The following TNKS variants were observed in gnomAD, a reference collection of about 807,000 sequenced individuals.
TNKS encodes tankyrase, also known as poly [ADP-ribose] polymerase tankyrase-1.
TNKS carries 72 observed loss-of-function variants against 135.8 expected under a neutral mutation model. The observed-to-expected ratio is 0.53, with a 90% CI of 0.44 to 0.64. The LOEUF is 0.64. Among genes scored for constraint, TNKS ranks in the 30% least tolerant of loss-of-function variants. The pLI is 0.00. For synonymous variants in TNKS, 849 were observed against 649.3 expected (o/e 1.31, Z -4.68); for missense variants, 1,769 against 1,674.0 (o/e 1.06, Z -0.99).
chr8:9,775,584 A>C, intron 26 of TNKS, among the ~76,000 whole-genome samples: 1 of 147,512 alleles, frequency 6.8e-6, no homozygotes, highest in East Asian at 2.0e-4. Context: ...GTACTCTCTA[A>C]TGAATAATAC....
At chr8:9,685,639 T>G (rs1802959804) in intron 5 of TNKS, among the ~76,000 whole-genome samples, 1 of 152,220 alleles carries the variant, frequency 6.6e-6, no homozygotes, top group Non-Finnish European at 1.5e-5. Flanking sequence ...ATAAAGCATA[T>G]AATTTAATTA....
At chr8:9,638,621 T>C (rs1018302318) in intron 3 of TNKS, among the ~76,000 whole-genome samples, 1 of 152,234 alleles carries the variant, frequency 6.6e-6, no homozygotes, top group Non-Finnish European at 1.5e-5. Context: ...CTTTAAATAT[T>C]TATGTCATTC....
chr8:9,671,613 C>A (rs770329914), intron 3 of TNKS, among the ~76,000 whole-genome samples: 1 of 152,046 alleles, frequency 6.6e-6, no homozygotes. Context: ...TTGGAGTAGG[C>A]GATTGATTTC....
At position 9,776,631 on chromosome 8, in the gene TNKS, T is replaced by C. The variant is rs1808238528; in HGVS notation, c.3898-19T>C. 1 of 1,611,988 alleles carries C rather than the reference T, an allele frequency of 6.2e-7. No homozygotes were observed. Among genetic ancestry groups the C allele is most frequent in the South Asian group, 1.1e-5 (1 of 91,034 alleles). ...TGCCTACTAGAAGGGTGATTTGTTT[T>C]TCTTCTTGTCCTTCCCAGGCATACC... On this transcript the variant is annotated intron_variant, in intron 26 of 26. Transcript: ENST00000310430.
At position 9,750,248 on chromosome 8, in the gene TNKS, C is replaced by T. The variant is rs76202679; in HGVS notation, c.2833-1361C>T. Among the ~76,000 whole-genome samples, 458 of 152,244 alleles carry T rather than the reference C, an allele frequency of 3.0e-3. 3 individuals carry two copies. Among genetic ancestry groups the T allele is most frequent in the African/African-American group, 0.01 (431 of 41,526 alleles). ...CAGCACGCTGGATTTGACCTTTGGC[C>T]TGAGGCTGTGCCTTACTTGAAGAAA... On this transcript the variant is annotated intron_variant, in intron 18 of 26. Coordinates refer to ENST00000310430, the MANE Select transcript of TNKS (RefSeq NM_003747.3).
chr8:9,681,499 G>C (rs530308451), intron 5 of TNKS, among the ~76,000 whole-genome samples: 1 of 151,914 alleles, frequency 6.6e-6, no homozygotes, highest in African/African-American at 2.4e-5. Flanking sequence ...AGTGATTTAC[G>C]TAATAGACAT....
rs777314477 is a variant in TNKS at position 9,704,703 on chromosome 8, G to A, written c.1148G>A (p.Arg383Gln). Residue 383 changes from arginine (R) to glutamine (Q), a missense_variant, in exon 6 of 27, where the codon CGA becomes CAA. Arg to Gln is a conservative substitution (Grantham distance 43). This residue lies in a region of TNKS where 523 missense variants were observed against 541.0 expected (regional missense o/e 0.97). Transcript: ENST00000310430. ...LHLAAGYNRVRIVQLLLQHGA... is the reference protein window; with the variant it reads ...LHLAAGYNRVQIVQLLLQHGA... ...CTAGCAGCGGGCTACAACAGAGTTC[G>A]AATAGTTCAGCTTCTTCTTCAGCAT... 2.7e-5 allele frequency: 44 copies of A among 1,613,424 alleles called. No individual in the cohort carries two copies. The highest frequency in any genetic ancestry group is 3.1e-5 in the Non-Finnish European group (37 of 1,179,534).
chr8:9,732,940 A>C (rs1805516864), intron 14 of TNKS, among the ~76,000 whole-genome samples: 1 of 152,186 alleles, frequency 6.6e-6, no homozygotes, highest in Non-Finnish European at 1.5e-5. Flanking sequence ...CTTTTTACCA[A>C]GGTAGAACTT....
At chr8:9,576,362 A>C (rs562710494) in intron 1 of TNKS, among the ~76,000 whole-genome samples, 1 of 151,866 alleles carries the variant, frequency 6.6e-6, no homozygotes, top group Non-Finnish European at 1.5e-5. Flanking sequence ...CATGGGTGGG[A>C]GGAGGCCTCA....
At chr8:9,632,219 C>G (rs1027241615) in intron 3 of TNKS, among the ~76,000 whole-genome samples, 17 of 152,152 alleles carry the variant, frequency 1.1e-4, no homozygotes, top group African/African-American at 4.1e-4. Context: ...GTCAGTTGAG[C>G]TATTTGAATT....
chr8:9,706,308 T>C, intron 7 of TNKS, 55 bp downstream of exon 7: 1 of 1,303,932 alleles, frequency 7.7e-7, no homozygotes, highest in Non-Finnish European at 1.1e-6. Flanking sequence ...TTTCTTTACC[T>C]TGTCATGACT....
chr8:9,743,512 T>G (rs369759137), intron 17 of TNKS: 1 of 152,180 alleles, frequency 6.6e-6, no homozygotes, highest in African/African-American at 2.4e-5. Context: ...TTGTAATGAT[T>G]AAATGAGACC....
rs71201960 is a variant in TNKS, at chr8:9,656,611, CT to C, written c.995-23325del. On this transcript the variant is annotated intron_variant, in intron 3 of 26. Coordinates refer to ENST00000310430, the MANE Select transcript of TNKS (RefSeq NM_003747.3). ...CAACATTCTTAAAGAAAAGAATTTT[CT>C]TTTTTTTTTTTTTTAATTTATTTTT... Among the ~76,000 whole-genome samples the C allele has an allele frequency of 6.0e-3, 825 of 136,432 alleles. 9 individuals are homozygous for C. The highest frequency in any genetic ancestry group is 0.02 in the African/African-American group (690 of 35,094). 89.5% of individuals were successfully genotyped at this position (136,432 alleles called of 152,430 possible). A position where few individuals can be genotyped will look rare whatever the true frequency, so the allele number is the denominator to read the frequency against.
Position 9,707,005 on chromosome 8 carries a change from T to C in TNKS, c.1456+8T>C, listed in dbSNP as rs774201245. 9.6e-6 allele frequency: 15 copies of C among 1,557,198 alleles called. No homozygotes were observed. Among genetic ancestry groups the C allele is most frequent in the Non-Finnish European group, 1.2e-5 (14 of 1,152,254 alleles). ...TTAGGGAGAGATTGACTTGTACGTA[T>C]TTATATCCCGAAATCATTATCGCAT... is the stretch of plus-strand genomic sequence containing the variant. On this transcript the variant is annotated splice_region_variant and intron_variant, in intron 8 of 26. Coordinates refer to ENST00000310430, the MANE Select transcript of TNKS (RefSeq NM_003747.3).
intron 1 of TNKS, among the ~76,000 whole-genome samples, chr8:9,568,208 A>G (rs1177558912): frequency 3.3e-5 from 5 of 152,220 alleles, no homozygotes; most frequent in African/African-American, 1.2e-4. Context: ...TTTAATTAAC[A>G]TTCACTGGGG....
intron 3 of TNKS, among the ~76,000 whole-genome samples, chr8:9,676,686 C>CTGTGTGTG (rs147459978): frequency 0.13 from 18,679 of 147,716 alleles, 1,206 homozygotes; most frequent in African/African-American, 0.17. Context: ...CTCTCTCTCT[C>CTGTGTGTG]TGTGTGTGTG....
rs769485345 is a variant in TNKS, at chr8:9,766,258, C to T, written c.3573C>T (p.Ala1191=). 6.2e-7 allele frequency: 1 copy of T among 1,606,788 alleles called. No homozygotes were observed. The highest frequency in any genetic ancestry group is 1.7e-5 in the Admixed American group (1 of 59,034). ...MLFHGSPFIN[A]IIHKGFDERH... ...TTCTAGGTTCTCCTTTCATTAATGCCATTATTCATAAAGGGTTTGATGAGC... is the reference window on the plus strand; with the variant it reads ...TTCTAGGTTCTCCTTTCATTAATGCTATTATTCATAAAGGGTTTGATGAGC... Residue 1191 remains alanine, a synonymous_variant, in exon 25 of 27, where the codon GCC becomes GCT. Transcript: ENST00000310430.
At chr8:9,643,221 T>C (rs1329084667) in intron 3 of TNKS, among the ~76,000 whole-genome samples, 1 of 146,186 alleles carries the variant, frequency 6.8e-6, no homozygotes, top group Non-Finnish European at 1.5e-5. Flanking sequence ...TTTGTGCTGC[T>C]ATTAATAGTA....
chr8:9,673,220 T>C (rs1802380697), intron 3 of TNKS, among the ~76,000 whole-genome samples: 2 of 152,196 alleles, frequency 1.3e-5, no homozygotes, highest in South Asian at 4.1e-4. Flanking sequence ...GAGGTCATAT[T>C]ACTGCCTCCT....
Sources: gnomAD v4.1 joint callset for allele counts (sites outside exome capture counted in the v4.1 genomes callset) on GRCh38, gnomAD v4.1.1 for gene constraint, gnomAD v4.1.1 regional missense constraint, MANE v1.5 for transcripts, NCBI Gene and HGNC (gene_info 2026-07-23, HGNC 2026-07-21) for gene names.